Variants in RGS5 observed in about 807,000 individuals in gnomAD.
RGS5 encodes the protein regulator of G-protein signalling 5.
Under a neutral mutation model 18.9 loss-of-function variants are expected in RGS5, and 20 were observed. The ratio of observed to expected loss-of-function variants is 1.06; its 90% confidence interval spans 0.74 to 1.54. RGS5 has a LOEUF of 1.54. Among genes scored for constraint, RGS5 ranks in the 40% most tolerant of loss-of-function variants. The pLI is 0.00. For synonymous variants in RGS5, 57 were observed against 76.2 expected (o/e 0.75, Z 1.31); for missense variants, 201 against 211.8 (o/e 0.95, Z 0.32).
intron 2 of RGS5, among the ~76,000 whole-genome samples, chr1:163,254,427 T>C (rs975050577): frequency 6.6e-6 from 1 of 152,172 alleles, no homozygotes; most frequent in African/African-American, 2.4e-5. Context: ...TTTCATGTGT[T>C]TTTTGGCTGC....
chr1:163,193,798 C>T (rs953898050), intron 1 of RGS5, among the ~76,000 whole-genome samples: 2 of 152,158 alleles, frequency 1.3e-5, no homozygotes, highest in African/African-American at 4.8e-5. Context: ...GAAACCCTGA[C>T]ATACCCTTCT....
At chr1:163,287,510 C>T (rs1424268693) in intron 2 of RGS5, among the ~76,000 whole-genome samples, 1 of 152,206 alleles carries the variant, frequency 6.6e-6, no homozygotes, top group East Asian at 1.9e-4. Context: ...TAATGGTTAT[C>T]CACTCTCAGC....
At chr1:163,232,289 C>T (rs1400590606) in intron 2 of RGS5, among the ~76,000 whole-genome samples, 1 of 152,192 alleles carries the variant, frequency 6.6e-6, no homozygotes, top group Non-Finnish European at 1.5e-5. Context: ...GACACACAAC[C>T]TTAGTGTCTC....
intron 3 of RGS5, among the ~76,000 whole-genome samples, chr1:163,159,808 A>G (rs1657729935): frequency 6.6e-6 from 1 of 152,184 alleles, no homozygotes; most frequent in African/African-American, 2.4e-5. Context: ...TACTACATAC[A>G]CATATATACA....
upstream of RGS5, chr1:163,206,941 CTT>C (rs773095121): frequency 2.6e-5 from 4 of 152,076 alleles, no homozygotes; most frequent in Admixed American, 6.5e-5. Flanking sequence ...TAATCTGCAT[CTT>C]TTGTTATTTA....
At chr1:163,311,898 CTTTAA>C (rs986751933) in intron 1 of RGS5, among the ~76,000 whole-genome samples, 29 of 152,288 alleles carry the variant, frequency 1.9e-4, no homozygotes, top group African/African-American at 6.3e-4. Context: ...TGCCACATAC[CTTTAA>C]TTTGTCAAAA....
At chr1:163,298,770 A>C (rs1465794251) in intron 2 of RGS5, among the ~76,000 whole-genome samples, 1 of 152,110 alleles carries the variant, frequency 6.6e-6, no homozygotes, top group Non-Finnish European at 1.5e-5. Context: ...CAGCCACTTA[A>C]GGGAGTTCAG....
chr1:163,174,506 C>T (rs1026857196), intron 1 of RGS5, among the ~76,000 whole-genome samples: 3 of 152,116 alleles, frequency 2.0e-5, no homozygotes, highest in African/African-American at 7.2e-5. Context: ...GAATGAGTCA[C>T]GGAGGACTAA....
intron 2 of RGS5, among the ~76,000 whole-genome samples, chr1:163,231,581 G>A (rs999736764): frequency 1.3e-5 from 2 of 152,084 alleles, no homozygotes; most frequent in Admixed American, 6.5e-5. Flanking sequence ...TAGTCCAGTG[G>A]TATGCACAAG....
At chr1:163,226,864 C>A (rs1647348396) in intron 2 of RGS5, among the ~76,000 whole-genome samples, 1 of 152,092 alleles carries the variant, frequency 6.6e-6, no homozygotes, top group Non-Finnish European at 1.5e-5. Context: ...GCTTAAAGAC[C>A]AAAAGTTGTT....
intron 2 of RGS5, among the ~76,000 whole-genome samples, chr1:163,244,177 C>T (rs1251949967): frequency 3.9e-5 from 6 of 152,174 alleles, no homozygotes; most frequent in African/African-American, 9.7e-5. Flanking sequence ...CTGGAAACAG[C>T]TTGAGGTCTA....
At chr1:163,277,213 C>T (rs936176810) in intron 2 of RGS5, among the ~76,000 whole-genome samples, 1 of 152,130 alleles carries the variant, frequency 6.6e-6, no homozygotes, top group Non-Finnish European at 1.5e-5. Flanking sequence ...CTACCTATGA[C>T]CTGGAACCTC....
chr1:163,304,808 C>T (rs534960004), intron 2 of RGS5: 1 of 152,312 alleles, frequency 6.6e-6, no homozygotes, highest in Non-Finnish European at 1.5e-5. Context: ...CAGGGCCACA[C>T]ATTGGGAATA....
intron 1 of RGS5, among the ~76,000 whole-genome samples, chr1:163,180,688 T>TTTTTTTTTTG (rs1658787675): frequency 9.0e-6 from 1 of 110,532 alleles, no homozygotes; most frequent in South Asian, 3.7e-4. Flanking sequence ...CTTACCCTGT[T>TTTTTTTTTTG]TTTTTTTTTT....
At chr1:163,315,036 T>C (rs189277221) in intron 1 of RGS5, among the ~76,000 whole-genome samples, 168 of 152,290 alleles carry the variant, frequency 1.1e-3, no homozygotes, top group Admixed American at 1.8e-3. Flanking sequence ...AATTAAAAAT[T>C]AGAGTACAAT....
intron 1 of RGS5, among the ~76,000 whole-genome samples, chr1:163,181,375 T>A (rs1333914904): frequency 6.6e-6 from 1 of 152,174 alleles, no homozygotes; most frequent in Non-Finnish European, 1.5e-5. Flanking sequence ...CACTCTTTTC[T>A]TGAAACCTCT....
At chr1:163,166,078 C>A (rs1324680508) in intron 2 of RGS5, among the ~76,000 whole-genome samples, 1 of 148,160 alleles carries the variant, frequency 6.7e-6, no homozygotes, top group East Asian at 2.0e-4. Context: ...TCTGTTTCTA[C>A]AGTTAGTCAG....
At chr1:163,241,965 T>C (rs1647802388) in intron 2 of RGS5, among the ~76,000 whole-genome samples, 1 of 152,148 alleles carries the variant, frequency 6.6e-6, no homozygotes, top group Non-Finnish European at 1.5e-5. Context: ...TTGAACTAGA[T>C]TAATTGTCCG....
upstream of RGS5, among the ~76,000 whole-genome samples, chr1:163,205,859 T>C (rs1349167550): frequency 2.0e-5 from 3 of 152,230 alleles, no homozygotes; most frequent in Admixed American, 2.0e-4. Flanking sequence ...TTATTAGCAA[T>C]ATATTTATTG....
Sources: gnomAD v4.1 joint callset for allele counts (sites outside exome capture counted in the v4.1 genomes callset) on GRCh38, gnomAD v4.1.1 for gene constraint, MANE v1.5 for transcripts, NCBI Gene and HGNC (gene_info 2026-07-23, HGNC 2026-07-21) for gene names.